IDI1: variants seen among roughly 807,000 people sequenced by gnomAD.
IDI1 encodes isopentenyl-diphosphate Delta-isomerase 1.
A neutral mutation model predicts 32.9 loss-of-function variants in IDI1; 23 were observed. The ratio of observed to expected loss-of-function variants is 0.70; its 90% CI spans 0.50 to 0.99. The LOEUF (loss-of-function observed/expected upper bound fraction) is 0.99, where lower values mean the gene tolerates loss of function less well. Among genes scored for constraint, IDI1 ranks in the 50% least tolerant of loss-of-function variants. The pLI is 0.00. For missense variants in IDI1, 326 were observed against 351.9 expected (o/e 0.93, Z 0.59); for synonymous variants, 133 against 128.2 (o/e 1.04, Z -0.25).
intron 2 of IDI1, chr10:1,043,621 G>A (rs538993592): frequency 9.0e-6 from 6 of 665,474 alleles, no homozygotes; most frequent in East Asian, 8.9e-5. Context: ...GCCCCTTTCC[G>A]GCAGTCAAGT....
the IDI1 span, among the ~76,000 whole-genome samples, chr10:1,056,091 G>T: frequency 6.6e-6 from 1 of 152,104 alleles, no homozygotes; most frequent in Non-Finnish European, 1.5e-5. Flanking sequence ...ACAGGCGTGA[G>T]CCACCGCGCC....
chr10:1,041,215 A>C lies in IDI1; in HGVS notation c.827T>G (p.Val276Gly), dbSNP rs763761173. ...CATTCTGTATATTTTCTCATGGTCA[A>C]CAAACTGATTCAAATGATTTAAGTT... is the stretch of plus-strand genomic sequence containing the variant. ...WDNLNHLNQF[V>G]DHEKIYRM Residue 276 changes from valine to glycine, a missense_variant, in exon 5 of 5, where the codon GTT becomes GGT. By Grantham distance (109) the Val-to-Gly change is moderately radical. Around this residue, in one of 2 missense-constraint regions of IDI1, gnomAD observed 205 missense variants for 273.5 expected, o/e 0.75. Coordinates refer to ENST00000381344, the MANE Select transcript of IDI1 (RefSeq NM_004508.4). The C allele has an allele frequency of 1.2e-6, 2 of 1,609,728 alleles. No homozygotes were observed. Among genetic ancestry groups the C allele is most frequent in the South Asian group, 2.2e-5 (2 of 90,778 alleles).
upstream of IDI1, among the ~76,000 whole-genome samples, chr10:1,051,514 A>T (rs1259927095): frequency 2.6e-5 from 4 of 152,226 alleles, no homozygotes; most frequent in Non-Finnish European, 5.9e-5. Context: ...AAAAGCAGCT[A>T]GTTAGTTCAG....
rs116115639 is a variant in IDI1 at position 1,045,412 on chromosome 10, A to G, written c.141-1241T>C. Among the ~76,000 whole-genome samples, 783 of 152,334 alleles carry G rather than the reference A, an allele frequency of 5.1e-3. 3 individuals are homozygous for G. Among genetic ancestry groups the G allele is most frequent in the African/African-American group, 0.017 (687 of 41,568 alleles). On this transcript the variant is annotated intron_variant, in intron 1 of 4. Coordinates refer to ENST00000381344, the MANE Select transcript of IDI1 (RefSeq NM_004508.4). ...TTTTTCTACCCAATATATTTTGAAG[A>G]TCCCATGTGCTCTACTTTCTATGTG... is the stretch of plus-strand genomic sequence containing the variant.
upstream of IDI1, among the ~76,000 whole-genome samples, chr10:1,053,247 T>C (rs1833060030): frequency 6.6e-6 from 1 of 152,182 alleles, no homozygotes; most frequent in Non-Finnish European, 1.5e-5. Flanking sequence ...AGGGATCCAC[T>C]TGCATTGGCC....
chr10:1,042,993 T>C (rs574230947), intron 3 of IDI1, among the ~76,000 whole-genome samples: 1 of 152,368 alleles, frequency 6.6e-6, no homozygotes, highest in East Asian at 1.9e-4. Context: ...AGTAATTATG[T>C]TGTGAAACAG....
In IDI1 at chr10:1,040,322, A is replaced by T. The variant is rs766705206; in HGVS notation, c.*865T>A. ...CTAGGGGCATCTGGCAACATCCGGCATAACTGTGGGTGTCACATGAGAGGG... is the reference window on the plus strand; with the variant it reads ...CTAGGGGCATCTGGCAACATCCGGCTTAACTGTGGGTGTCACATGAGAGGG... On this transcript the variant is annotated 3_prime_UTR_variant, in exon 5 of 5. Transcript: ENST00000381344. 6.6e-6 allele frequency: 1 copy of T among 152,278 alleles called. No individual in the cohort carries two copies. Among genetic ancestry groups the T allele is most frequent in the East Asian group, 1.9e-4 (1 of 5,206 alleles). The allele number at this position is 152,278 out of a possible 1,614,324, so 9.4% of individuals were successfully genotyped here. A position where few individuals can be genotyped will look rare whatever the true frequency, so the allele number is the denominator to read the frequency against.
chr10:1,055,717 T>G, the IDI1 span, among the ~76,000 whole-genome samples: 1 of 45,442 alleles, frequency 2.2e-5, no homozygotes, highest in Non-Finnish European at 4.8e-5. Context: ...CTTCACTTCT[T>G]TTTTTTTTTT....
intron 1 of IDI1, among the ~76,000 whole-genome samples, chr10:1,044,909 C>G (rs1832755765): frequency 6.6e-6 from 1 of 152,234 alleles, no homozygotes; most frequent in Admixed American, 6.5e-5. Context: ...TGAACTCTGC[C>G]TCTGTAACAC....
At chr10:1,047,970 A>T (rs896110128) in intron 1 of IDI1, among the ~76,000 whole-genome samples, 1 of 152,188 alleles carries the variant, frequency 6.6e-6, no homozygotes, top group Non-Finnish European at 1.5e-5. Context: ...TTAGGTGATC[A>T]CTAAGATAGG....
chr10:1,042,596 T>G, intron 4 of IDI1, 36 bp downstream of exon 4: 1 of 1,609,702 alleles, frequency 6.2e-7, no homozygotes. Context: ...TATGTTTAGG[T>G]TTCAGCTTGT....
upstream of IDI1, among the ~76,000 whole-genome samples, chr10:1,051,252 A>T (rs1833005605): frequency 6.6e-6 from 1 of 152,224 alleles, no homozygotes; most frequent in South Asian, 2.1e-4. Flanking sequence ...AAAAGTTTTT[A>T]AGTATTGGGA....
At chr10:1,053,034 C>G (rs192471364), upstream of IDI1, among the ~76,000 whole-genome samples, 1 of 151,998 alleles carries the variant, frequency 6.6e-6, no homozygotes, top group Non-Finnish European at 1.5e-5. Context: ...GAGATGGAGT[C>G]TCACTCTGTT....
At chr10:1,041,808 T>C (rs1832601486) in intron 4 of IDI1, among the ~76,000 whole-genome samples, 1 of 141,908 alleles carries the variant, frequency 7.0e-6, no homozygotes, top group Admixed American at 7.0e-5. Flanking sequence ...TTCTTTTTCT[T>C]CTTTTTTTTT....
At chr10:1,054,420 A>G in the IDI1 span, among the ~76,000 whole-genome samples, 7 of 152,252 alleles carry the variant, frequency 4.6e-5, no homozygotes, top group Non-Finnish European at 7.3e-5. Context: ...AATGAGGACA[A>G]TGACAGAATA....
chr10:1,044,124 G>A lies in IDI1; in HGVS notation c.188C>T (p.Thr63Ile). 6.2e-7 allele frequency: 1 copy of A among 1,613,750 alleles called. No individual in the cohort carries two copies. The part of the protein sequence containing the change: ...RHFVMMPEIN[T>I]NHLDKQQVQL... ...AACCTGTTGCTTGTCGAGGTGGTTAGTGTTTATTTCAGGCATCATTACAAA... is the reference window on the plus strand; with the variant it reads ...AACCTGTTGCTTGTCGAGGTGGTTAATGTTTATTTCAGGCATCATTACAAA... Residue 63 changes from threonine (T) to isoleucine (I), a missense_variant, in exon 2 of 5, where the codon ACT (threonine) becomes ATT (isoleucine). Physicochemically the swap from Thr to Ile is moderately conservative, Grantham distance 89. Transcript: ENST00000381344.
chr10:1,049,064 T>C lies in IDI1; in HGVS notation c.-61A>G. The C allele has an allele frequency of 2.1e-6, 3 of 1,443,826 alleles. No individual in the cohort carries two copies. The highest frequency in any genetic ancestry group is 2.7e-6 in the Non-Finnish European group (3 of 1,106,952). The allele number at this position is 1,443,826 out of a possible 1,614,324, so 89.4% of individuals were successfully genotyped here. A position where few individuals can be genotyped will look rare whatever the true frequency, so the allele number is the denominator to read the frequency against. On this transcript the variant is annotated 5_prime_UTR_variant, in exon 1 of 5. Transcript: ENST00000381344. The stretch of plus-strand genomic sequence containing the variant: ...CACAATCTCGCCAAGCTTCGCCTGG[T>C]GGTGCCACCTCCCTGGCCTGTGACA...
chr10:1,042,139 T>C (rs1832617082), intron 4 of IDI1, among the ~76,000 whole-genome samples: 1 of 152,176 alleles, frequency 6.6e-6, no homozygotes, highest in Admixed American at 6.5e-5. Flanking sequence ...TTAAAATTGC[T>C]TTTTGGAAAA....
upstream of IDI1, among the ~76,000 whole-genome samples, chr10:1,052,230 A>C (rs1833033248): frequency 6.6e-6 from 1 of 152,232 alleles, no homozygotes; most frequent in African/African-American, 2.4e-5. Context: ...TCATAAACTA[A>C]GTCTATGGAG....
Sources: gnomAD v4.1 joint callset for allele counts (sites outside exome capture counted in the v4.1 genomes callset) on GRCh38, gnomAD v4.1.1 for gene constraint, gnomAD v4.1.1 regional missense constraint, MANE v1.5 for transcripts, NCBI Gene and HGNC (gene_info 2026-07-23, HGNC 2026-07-21) for gene names.